TBC1D14: variants seen among roughly 807,000 people sequenced by gnomAD.
TBC1D14 encodes the protein TBC1 domain family, member 14.
TBC1D14 carries 26 observed loss-of-function variants against 79.0 expected under a neutral mutation model. That is an observed-to-expected ratio of 0.33 (90% CI 0.24 to 0.46). The LOEUF is 0.46. Ranked by LOEUF, TBC1D14 falls within the 20% of genes least tolerant of loss-of-function variation. TBC1D14 has a pLI of 1.00. For synonymous variants in TBC1D14, 394 were observed against 349.9 expected, an observed-to-expected ratio of 1.13 and a Z score of -1.40; for missense variants, 769 against 887.6, an observed-to-expected ratio of 0.87 and a Z score of 1.70.
intron 3 of TBC1D14, among the ~76,000 whole-genome samples, chr4:6,975,155 C>A (rs1337230191): frequency 6.6e-6 from 1 of 151,860 alleles, no homozygotes; most frequent in Non-Finnish European, 1.5e-5. Flanking sequence ...CTCAAGAGAT[C>A]CGCCCATCTT....
intron 1 of TBC1D14, chr4:6,910,653 T>C (rs1722907819): frequency 6.6e-6 from 1 of 152,124 alleles, no homozygotes; most frequent in Admixed American, 6.5e-5. Context: ...CTCTAGGCTG[T>C]GGGTTGCGGT....
chr4:6,987,527 A>G, intron 3 of TBC1D14: 1 of 495,864 alleles, frequency 2.0e-6, no homozygotes. Flanking sequence ...CAACAGCCGA[A>G]GCTTGCTGTG....
intron 13 of TBC1D14, among the ~76,000 whole-genome samples, chr4:7,028,660 C>T (rs530500057): frequency 3.9e-5 from 6 of 152,192 alleles, no homozygotes; most frequent in African/African-American, 9.6e-5. Flanking sequence ...TTCCTGACCT[C>T]GCGATCCACC....
intron 3 of TBC1D14, among the ~76,000 whole-genome samples, chr4:6,968,688 C>CTGGAAGGAGGCTGACT (rs55781424): frequency 6.9e-6 from 1 of 144,360 alleles, no homozygotes; most frequent in African/African-American, 2.5e-5. Context: ...GGAGGCTGAC[C>CTGGAAGGAGGCTGACT]GCCGAGAGGA....
At position 7,030,443 on chromosome 4, in the gene TBC1D14, C is replaced by T; in HGVS notation, c.*51C>T. The T allele has an allele frequency of 6.3e-7, 1 of 1,595,026 alleles. No homozygotes were observed. Among genetic ancestry groups the T allele is most frequent in the African/African-American group, 1.3e-5 (1 of 74,722 alleles). On this transcript the variant is annotated 3_prime_UTR_variant, in exon 14 of 14. Coordinates refer to ENST00000409757, the MANE Select transcript of TBC1D14 (RefSeq NM_020773.3). ...CACCAATCAGAGCCCCATGCCGCGG[C>T]CCCTCTGTTGTTTCAGACTGACACC...
chr4:7,013,881 C>T (rs1230962222), intron 11 of TBC1D14, among the ~76,000 whole-genome samples: 6 of 152,108 alleles, frequency 3.9e-5, no homozygotes, highest in Non-Finnish European at 8.8e-5. Context: ...GTAGCTGGGA[C>T]TACAGGCGCC....
At chr4:6,969,802 T>G (rs1040084144) in intron 3 of TBC1D14, among the ~76,000 whole-genome samples, 2 of 152,134 alleles carry the variant, frequency 1.3e-5, no homozygotes, top group Non-Finnish European at 2.9e-5. Context: ...CAGTTCATTA[T>G]GCGGTAACAC....
intron 3 of TBC1D14, among the ~76,000 whole-genome samples, chr4:6,980,617 A>C (rs1210435510): frequency 6.6e-6 from 1 of 152,228 alleles, no homozygotes; most frequent in East Asian, 1.9e-4. Context: ...AAACTCTAGC[A>C]AAACTGACAA....
intron 2 of TBC1D14, 30 bp from the exon 3 acceptor site, chr4:6,967,274 T>A (rs774387108): frequency 2.3e-5 from 37 of 1,608,384 alleles, no homozygotes; most frequent in Non-Finnish European, 3.1e-5. Flanking sequence ...TACCCAGAAA[T>A]GCCCTAACCT....
At chr4:6,988,472 TC>T (rs1231793261) in intron 3 of TBC1D14, among the ~76,000 whole-genome samples, 9 of 152,318 alleles carry the variant, frequency 5.9e-5, no homozygotes, top group Middle Eastern at 3.4e-3. Flanking sequence ...CCTGCCGCTG[TC>T]CCCCAGCGCT....
chr4:7,018,136 A>T (rs187681762), intron 12 of TBC1D14, among the ~76,000 whole-genome samples: 6 of 152,298 alleles, frequency 3.9e-5, no homozygotes, highest in Admixed American at 3.9e-4. Flanking sequence ...CTTCTGCTAC[A>T]TCAGACCACC....
At chr4:6,911,818 A>G (rs980716592) in intron 1 of TBC1D14, among the ~76,000 whole-genome samples, 3 of 152,308 alleles carry the variant, frequency 2.0e-5, no homozygotes, top group South Asian at 2.1e-4. Context: ...GCCTCAGCAC[A>G]GGGGATGCCT....
At chr4:6,987,034 C>G (rs1473521404) in intron 3 of TBC1D14, 6 of 454,498 alleles carry the variant, frequency 1.3e-5, no homozygotes, top group Non-Finnish European at 1.9e-5. Context: ...GGCGCGCGTC[C>G]CCGGTGTTTA....
chr4:6,988,427 A>C (rs1278409026), intron 3 of TBC1D14, among the ~76,000 whole-genome samples: 2 of 152,262 alleles, frequency 1.3e-5, no homozygotes, highest in Non-Finnish European at 1.5e-5. Flanking sequence ...GAGGAGCTCA[A>C]GGTCATTCTG....
At chr4:6,971,306 A>G (rs1338926245) in intron 3 of TBC1D14, among the ~76,000 whole-genome samples, 1 of 152,216 alleles carries the variant, frequency 6.6e-6, no homozygotes, top group Admixed American at 6.5e-5. Flanking sequence ...CCAGGGTTGA[A>G]CACAGTGAGT....
At chr4:7,005,435 C>T (rs1409106082) in intron 8 of TBC1D14, among the ~76,000 whole-genome samples, 9 of 151,838 alleles carry the variant, frequency 5.9e-5, no homozygotes, top group African/African-American at 1.7e-4. Context: ...CTCGGGAGGC[C>T]GAGGCAGGAG....
intron 11 of TBC1D14, among the ~76,000 whole-genome samples, chr4:7,011,229 G>A (rs774412383): frequency 3.3e-5 from 5 of 152,016 alleles, no homozygotes; most frequent in Admixed American, 1.3e-4. Context: ...AAGGAGACAC[G>A]CTGGAGACCA....
intron 3 of TBC1D14, among the ~76,000 whole-genome samples, chr4:6,992,945 T>C (rs1342800561): frequency 1.3e-5 from 2 of 152,254 alleles, no homozygotes; most frequent in Non-Finnish European, 2.9e-5. Flanking sequence ...GTACAGAAAC[T>C]GCCCCACCCA....
rs1157233472 is a variant in TBC1D14, at chr4:6,946,883, TC to T, written c.723-20418del. Among the ~76,000 whole-genome samples, 10 of 152,310 alleles carry T rather than the reference TC, an allele frequency of 6.6e-5. No homozygotes were observed. In the East Asian group the frequency reaches 1.9e-3, roughly 29 times the overall value. ...GAAGGAACATAGTAATGTCATTCCT[TC>T]CCTGAAATGCAATCCCTAGACCCCT... is the stretch of plus-strand genomic sequence containing the variant. On this transcript the variant is annotated intron_variant, in intron 2 of 13. Coordinates refer to ENST00000409757, the MANE Select transcript of TBC1D14 (RefSeq NM_020773.3).
Sources: gnomAD v4.1 joint callset for allele counts (sites outside exome capture counted in the v4.1 genomes callset) on GRCh38, gnomAD v4.1.1 for gene constraint, MANE v1.5 for transcripts, NCBI Gene and HGNC (gene_info 2026-07-23, HGNC 2026-07-21) for gene names.